Variants in BRIP1 observed in about 807,000 individuals in gnomAD.
The protein encoded by BRIP1 is BRCA1 interacting DNA helicase 1.
Under a neutral mutation model 119.7 loss-of-function variants are expected in BRIP1, and 88 were observed. That is an observed-to-expected ratio of 0.74 (90% confidence interval 0.62 to 0.88). The LOEUF (loss-of-function observed/expected upper bound fraction) is 0.88. Among genes scored for constraint, BRIP1 ranks in the 40% least tolerant of loss-of-function variants. The pLI is 0.00. For missense variants in BRIP1, 1,259 were observed against 1,455.4 expected (o/e 0.87, Z 2.20); for synonymous variants, 443 against 496.5 (o/e 0.89, Z 1.43).
rs769125511 is a variant in BRIP1, at chr17:61,803,519, C to T, written c.919-2045G>A. Among the ~76,000 whole-genome samples, 6 of 151,952 alleles carry T rather than the reference C, an allele frequency of 3.9e-5. No homozygotes were observed. The highest frequency in any genetic ancestry group is 7.4e-5 in the Non-Finnish European group (5 of 68,000). ...GGAGTTCAAGACCAGCTGGGCAGCACAGGGAGACTCAATCTCTACAAAAAA... is the reference window on the plus strand; with the variant it reads ...GGAGTTCAAGACCAGCTGGGCAGCATAGGGAGACTCAATCTCTACAAAAAA... On this transcript the variant is annotated intron_variant, in intron 7 of 19. Coordinates refer to ENST00000259008, the MANE Select transcript of BRIP1 (RefSeq NM_032043.3). This position sits in a 1 kb window ranked among gnomAD's most constrained non-coding sequence, Gnocchi z 4.3.
rs1352521297 is a variant in BRIP1, at chr17:61,710,816, G to A, written c.2492+5135C>T. ...AAAAACAATTCAGGCTGAGGCAGGTGGATCATCTGAGGTCAGGAGTTTGAG... is the reference window on the plus strand; with the variant it reads ...AAAAACAATTCAGGCTGAGGCAGGTAGATCATCTGAGGTCAGGAGTTTGAG... On this transcript the variant is annotated intron_variant, in intron 17 of 19. Coordinates refer to ENST00000259008, the MANE Select transcript of BRIP1 (RefSeq NM_032043.3). This position sits in a 1 kb window ranked among gnomAD's most constrained non-coding sequence, Gnocchi z 5.4. 6.6e-6 allele frequency among the ~76,000 whole-genome samples: 1 copy of A among 151,974 alleles called. No homozygotes were observed. Among genetic ancestry groups the A allele is most frequent in the Admixed American group, 6.6e-5 (1 of 15,234 alleles).
chr17:61,785,218 A>C (rs1199515789), intron 10 of BRIP1, among the ~76,000 whole-genome samples: 3 of 152,238 alleles, frequency 2.0e-5, no homozygotes, highest in Non-Finnish European at 4.4e-5. Flanking sequence ...ATATGACTAC[A>C]TCACAAGCAA....
Position 61,836,374 on chromosome 17 carries a change from C to T in BRIP1, c.627+10727G>A, listed in dbSNP as rs562669316. ...CAAGTGATCCACCTACCTCAGCCTC[C>T]CCAAGTGCTGGGATTACAGGCATAA... On this transcript the variant is annotated intron_variant, in intron 6 of 19. Coordinates refer to ENST00000259008, the MANE Select transcript of BRIP1 (RefSeq NM_032043.3). Among the ~76,000 whole-genome samples the T allele has an allele frequency of 2.0e-5, 3 of 152,208 alleles. No individual in the cohort carries two copies. In the South Asian group the frequency reaches 6.2e-4, roughly 32 times the overall value.
chr17:61,765,390 TA>T (rs1478149643), intron 14 of BRIP1, among the ~76,000 whole-genome samples: 2 of 15,768 alleles, frequency 1.3e-4, no homozygotes, highest in Non-Finnish European at 2.8e-4. Flanking sequence ...TATATATATA[TA>T]TATATATATA....
intron 17 of BRIP1, among the ~76,000 whole-genome samples, chr17:61,696,686 C>CAAA (rs1237775624): frequency 1.7e-5 from 1 of 57,158 alleles, no homozygotes. Flanking sequence ...CTTTGTCTCA[C>CAAA]AAAAAAAAAA....
At chr17:61,765,381 ATATATAT>A (rs2077341347) in intron 14 of BRIP1, among the ~76,000 whole-genome samples, 1 of 28,184 alleles carries the variant, frequency 3.5e-5, no homozygotes, top group Admixed American at 7.8e-4. Flanking sequence ...TGTATATATT[ATATATAT>A]ATATATATAT....
At chr17:61,811,235 T>C (rs1213962019) in intron 6 of BRIP1, among the ~76,000 whole-genome samples, 2 of 152,096 alleles carry the variant, frequency 1.3e-5, no homozygotes, top group Non-Finnish European at 1.5e-5. Flanking sequence ...TTTGTTTTGC[T>C]TTTTTTGAGA....
rs1015130658 is a variant in BRIP1 at position 61,708,548 on chromosome 17, C to T, written c.2492+7403G>A. ...CCCTTTATAGAAAACACTGGCCAAT[C>T]CTTGTTCTAGTCTGTTGTGTTGTTT... On this transcript the variant is annotated intron_variant, in intron 17 of 19. Coordinates refer to ENST00000259008, the MANE Select transcript of BRIP1 (RefSeq NM_032043.3). The surrounding 1 kb of genome is among the most constrained non-coding windows in gnomAD (Gnocchi z 4.4). Among the ~76,000 whole-genome samples the T allele has an allele frequency of 6.6e-5, 10 of 152,162 alleles. No homozygotes were observed. The highest frequency in any genetic ancestry group is 1.3e-4 in the Non-Finnish European group (9 of 68,026).
In BRIP1 at chr17:61,822,407, T is replaced by A. The variant is rs1490759093; in HGVS notation, c.628-13650A>T. Among the ~76,000 whole-genome samples, 1 of 152,142 alleles carries A rather than the reference T, an allele frequency of 6.6e-6. No individual in the cohort carries two copies. Among genetic ancestry groups the A allele is most frequent in the Non-Finnish European group, 1.5e-5 (1 of 68,030 alleles). ...TTCAGGGCTTGCAGAATCATTTTAC[T>A]CAATTTGATAAGATTTTTGTCGTAC... On this transcript the variant is annotated intron_variant, in intron 6 of 19. Transcript: ENST00000259008. The surrounding 1 kb of genome is among the most constrained non-coding windows in gnomAD (Gnocchi z 4.4).
chr17:61,765,400 TATATATATATATATATATATA>T (rs2077347299), intron 14 of BRIP1, among the ~76,000 whole-genome samples: 2 of 14,410 alleles, frequency 1.4e-4, no homozygotes, highest in Non-Finnish European at 3.3e-4. Context: ...TATATATATA[TATATATATATATATATATATA>T]TATTTTTTTT....
Position 61,799,343 on chromosome 17 carries a change from G to T in BRIP1, c.1141-44C>A, listed in dbSNP as rs917356628. 6.8e-7 allele frequency: 1 copy of T among 1,473,082 alleles called. No homozygotes were observed. The highest frequency in any genetic ancestry group is 9.5e-7 in the Non-Finnish European group (1 of 1,057,956). 91.3% of individuals were successfully genotyped at this position (1,473,082 alleles called of 1,614,324 possible). On this transcript the variant is annotated intron_variant, in intron 8 of 19. Coordinates refer to ENST00000259008, the MANE Select transcript of BRIP1 (RefSeq NM_032043.3). This position sits in a 1 kb window ranked among gnomAD's most constrained non-coding sequence, Gnocchi z 5.1. ...TTCTTGTAAAACATTTGGCAAAATA[G>T]ATTTAACAACAGCAGGCAAGATATT...
In BRIP1 at chr17:61,802,563, T is replaced by C. The variant is rs1489705421; in HGVS notation, c.919-1089A>G. Among the ~76,000 whole-genome samples the C allele has an allele frequency of 2.6e-5, 4 of 152,206 alleles. No homozygotes were observed. Among genetic ancestry groups the C allele is most frequent in the African/African-American group, 9.7e-5 (4 of 41,446 alleles). On this transcript the variant is annotated intron_variant, in intron 7 of 19. Transcript: ENST00000259008. The surrounding 1 kb of genome is among the most constrained non-coding windows in gnomAD (Gnocchi z 6.0). Reference sequence around the variant, plus strand: ...AAAATTTTTATAAAGCATATTCCCTTTGTTTTCTTCTGTCTAGCGTATTAA... The same window carrying C: ...AAAATTTTTATAAAGCATATTCCCTCTGTTTTCTTCTGTCTAGCGTATTAA...
In BRIP1 at chr17:61,860,172, G is replaced by A. The variant is rs1603367837; in HGVS notation, c.94-265C>T. On this transcript the variant is annotated intron_variant, in intron 2 of 19. Coordinates refer to ENST00000259008, the MANE Select transcript of BRIP1 (RefSeq NM_032043.3). This position sits in a 1 kb window ranked among gnomAD's most constrained non-coding sequence, Gnocchi z 4.1. ...AATTATGCAAGCATCAATGATTTCT[G>A]TAAAACCAGAATACATTACTACCTA... 6.6e-6 allele frequency among the ~76,000 whole-genome samples: 1 copy of A among 152,304 alleles called. No individual in the cohort carries two copies. Among genetic ancestry groups the A allele is most frequent in the Admixed American group, 6.5e-5 (1 of 15,298 alleles).
rs1017402756 is a variant in BRIP1 at position 61,689,187 on chromosome 17, G to A, written c.2576-3022C>T. Among the ~76,000 whole-genome samples, 15 of 152,074 alleles carry A rather than the reference G, an allele frequency of 9.9e-5. 1 individual carries two copies. Among genetic ancestry groups the A allele is most frequent in the African/African-American group, 3.6e-4 (15 of 41,464 alleles). ...GCCTCTCAAGTAGCTGGGACTACAGGCATGTACCACCACACCCGGCTAATT... is the reference window on the plus strand; with the variant it reads ...GCCTCTCAAGTAGCTGGGACTACAGACATGTACCACCACACCCGGCTAATT... On this transcript the variant is annotated intron_variant, in intron 18 of 19. Transcript: ENST00000259008. The surrounding 1 kb of genome is among the most constrained non-coding windows in gnomAD (Gnocchi z 4.5).
chr17:61,840,087 C>T (rs773060935), intron 6 of BRIP1, among the ~76,000 whole-genome samples: 6 of 152,196 alleles, frequency 3.9e-5, no homozygotes, highest in Non-Finnish European at 7.4e-5. Flanking sequence ...GGCCAGGTTC[C>T]GTGGCTCACG....
Position 61,815,116 on chromosome 17 carries a change from A to G in BRIP1, c.628-6359T>C, listed in dbSNP as rs1303909897. On this transcript the variant is annotated intron_variant, in intron 6 of 19. Coordinates refer to ENST00000259008, the MANE Select transcript of BRIP1 (RefSeq NM_032043.3). This position sits in a 1 kb window ranked among gnomAD's most constrained non-coding sequence, Gnocchi z 4.1. ...CCTGAAAAATGCTAGAAGTGCTGGA[A>G]AAAAAAAAAAAAACCCACAGTAAAT... Among the ~76,000 whole-genome samples the G allele has an allele frequency of 2.6e-4, 2 of 7,736 alleles. No homozygotes were observed. Among genetic ancestry groups the G allele is most frequent in the Middle Eastern group, 0.083 (1 of 12 alleles). The allele number at this position is 7,736 out of a possible 152,430, so 5.1% of individuals were successfully genotyped here.
Position 61,765,372 on chromosome 17 carries a change from G to GTA in BRIP1, c.2097+11027_2097+11028dup, listed in dbSNP as rs1200404814. Among the ~76,000 whole-genome samples the GTA allele has an allele frequency of 1.3e-3, 81 of 61,536 alleles. 1 individual carries two copies. Among genetic ancestry groups the GTA allele is most frequent in the African/African-American group, 6.0e-3 (79 of 13,186 alleles). 40.4% of individuals were successfully genotyped at this position (61,536 alleles called of 152,430 possible). A position where few individuals can be genotyped will look rare whatever the true frequency, so the allele number is the denominator to read the frequency against. On this transcript the variant is annotated intron_variant, in intron 14 of 19. Transcript: ENST00000259008. ...CATATGTATGTGTGTGTGTGTGTGT[G>GTA]TATATATTATATATATATATATATA...
At position 61,851,574 on chromosome 17, in the gene BRIP1, T is replaced by C. The variant is rs1413105333; in HGVS notation, c.380-2318A>G. On this transcript the variant is annotated intron_variant, in intron 4 of 19. Transcript: ENST00000259008. The surrounding 1 kb of genome is among the most constrained non-coding windows in gnomAD (Gnocchi z 4.6). ...TCTATAAAAATATCAAGTTTCTGGATACATGTGGGACCAAATTAGGGTTCT... is the reference window on the plus strand; with the variant it reads ...TCTATAAAAATATCAAGTTTCTGGACACATGTGGGACCAAATTAGGGTTCT... Among the ~76,000 whole-genome samples, 1 of 152,132 alleles carries C rather than the reference T, an allele frequency of 6.6e-6. No individual in the cohort carries two copies. Among genetic ancestry groups the C allele is most frequent in the African/African-American group, 2.4e-5 (1 of 41,436 alleles).
rs779183944 is a variant in BRIP1, at chr17:61,776,384, A to C, written c.2097+17T>G. On this transcript the variant is annotated intron_variant, in intron 14 of 19. Transcript: ENST00000259008. The surrounding 1 kb of genome is among the most constrained non-coding windows in gnomAD (Gnocchi z 5.0). ...ATGATTATTTAAAGGCAAAAGAAAC[A>C]ATAAATATTCCCTTACCTTGTAAGA... 11 of 1,613,666 alleles carry C rather than the reference A, an allele frequency of 6.8e-6. No homozygotes were observed. Among genetic ancestry groups the C allele is most frequent in the Non-Finnish European group, 9.3e-6 (11 of 1,179,540 alleles).
Sources: allele counts gnomAD v4.1 joint callset (sites outside exome capture counted in the v4.1 genomes callset), GRCh38; gene constraint gnomAD v4.1.1; non-coding constraint Gnocchi (gnomAD v3.1); transcripts MANE v1.5; gene names NCBI Gene and HGNC (gene_info 2026-07-23, HGNC 2026-07-21).